Variants in C4orf54 observed in about 807,000 individuals in gnomAD.
C4orf54 encodes the protein uncharacterized protein C4orf54.
Under a neutral mutation model 80.1 loss-of-function variants are expected in C4orf54, and 67 were observed. The observed-to-expected ratio is 0.84, with a 90% CI of 0.69 to 1.03. C4orf54 has a LOEUF of 1.03. Among genes scored for constraint, C4orf54 ranks in the 50% least tolerant of loss-of-function variants. C4orf54 has a pLI of 0.00. For missense variants in C4orf54, 2,434 were observed against 2,253.5 expected (o/e 1.08, Z -1.62); for synonymous variants, 1,000 against 917.0 (o/e 1.09, Z -1.64).
rs1294505156 is a variant in C4orf54, at chr4:99,651,875, T to C, written c.2774A>G (p.Lys925Arg). Residue 925 changes from lysine to arginine, a missense_variant, in exon 2 of 3, where the codon AAA becomes AGA. Physicochemically the swap from Lys to Arg is conservative, Grantham distance 26. Coordinates refer to ENST00000511828, the MANE Select transcript of C4orf54 (RefSeq NM_001354435.2). The stretch of plus-strand genomic sequence containing the variant: ...CTTGACGGTCTCTGAGGCACTCTTT[T>C]TAATTTCACACACTTCTGTGTGTCC... ...TDGHTEVCEI[K>R]KSASETVKGI... 11 of 1,536,040 alleles carry C rather than the reference T, an allele frequency of 7.2e-6. No homozygotes were observed. In the Admixed American group the frequency reaches 7.8e-5, roughly 11 times the overall value.
Position 99,653,182 on chromosome 4 carries a change from G to A in C4orf54, c.1467C>T (p.Pro489=), listed in dbSNP as rs1726891387. The A allele has an allele frequency of 6.5e-7, 1 of 1,536,044 alleles. No homozygotes were observed. The highest frequency in any genetic ancestry group is 8.7e-7 in the Non-Finnish European group (1 of 1,146,858). Residue 489 remains proline (P), a synonymous_variant, in exon 2 of 3, where the codon CCC becomes CCT. Coordinates refer to ENST00000511828, the MANE Select transcript of C4orf54 (RefSeq NM_001354435.2). The part of the protein sequence containing the change: ...TPPPTGPGTA[P]LTEPLPETPE... ...GGGTCTCAGGCAAGGGCTCAGTCAGGGGGGCAGTGCCAGGCCCAGTGGGTG... is the reference window on the plus strand; with the variant it reads ...GGGTCTCAGGCAAGGGCTCAGTCAGAGGGGCAGTGCCAGGCCCAGTGGGTG...
Position 99,657,541 on chromosome 4 carries a change from A to G in C4orf54, c.-78T>C, listed in dbSNP as rs1458683675. On this transcript the variant is annotated 5_prime_UTR_variant, in exon 1 of 3. Coordinates refer to ENST00000511828, the MANE Select transcript of C4orf54 (RefSeq NM_001354435.2). ...CCTTTACTGCTTTCTAGCTAAATGA[A>G]TGCCAGTGTAGGAAAAAATTTGAAG... Among the ~76,000 whole-genome samples, 2 of 152,222 alleles carry G rather than the reference A, an allele frequency of 1.3e-5. No homozygotes were observed. Among genetic ancestry groups the G allele is most frequent in the East Asian group, 3.8e-4 (2 of 5,202 alleles).
In C4orf54 at chr4:99,650,682, C is replaced by T; in HGVS notation, c.3967G>A (p.Gly1323Ser). Residue 1323 changes from glycine to serine, a missense_variant, in exon 2 of 3, where the codon GGC becomes AGC. Gly to Ser is a moderately conservative substitution (Grantham distance 56, BLOSUM62 0). Coordinates refer to ENST00000511828, the MANE Select transcript of C4orf54 (RefSeq NM_001354435.2). ...SKRLGEVEER[G>S]TGNKAGVVLR... ...ACCACACCAGCTTTGTTTCCTGTGC[C>T]CCGCTCTTCCACCTCACCCAGCCGT... is the stretch of plus-strand genomic sequence containing the variant. 1 of 1,536,084 alleles carries T rather than the reference C, an allele frequency of 6.5e-7. No individual in the cohort carries two copies. Among genetic ancestry groups the T allele is most frequent in the Non-Finnish European group, 8.7e-7 (1 of 1,146,908 alleles).
chr4:99,656,361 C>T (rs949424463), intron 1 of C4orf54, among the ~76,000 whole-genome samples: 3 of 151,702 alleles, frequency 2.0e-5, no homozygotes, highest in African/African-American at 7.3e-5. Context: ...CTCAATGCAA[C>T]CTCTGCCTCT....
rs565623767 is a variant in C4orf54, at chr4:99,652,329, C to G, written c.2320G>C (p.Gly774Arg). 22 of 1,535,876 alleles carry G rather than the reference C, an allele frequency of 1.4e-5. No individual in the cohort carries two copies. In the African/African-American group the frequency reaches 3.0e-4, roughly 21 times the overall value. Residue 774 changes from glycine (G) to arginine (R), a missense_variant, in exon 2 of 3, where the codon GGC (glycine) becomes CGC (arginine). Coordinates refer to ENST00000511828, the MANE Select transcript of C4orf54 (RefSeq NM_001354435.2). ...GCCGACCCGGGACCCTTGCCGGGGCCTTTGGTGGCCCTGCCGGGCCCAGGG... is the reference window on the plus strand; with the variant it reads ...GCCGACCCGGGACCCTTGCCGGGGCGTTTGGTGGCCCTGCCGGGCCCAGGG... Reference protein sequence around the residue: ...SAPGPGRATKGPGKGPGSAYT... With the variant: ...SAPGPGRATKRPGKGPGSAYT...
chr4:99,652,029 A>C lies in C4orf54; in HGVS notation c.2620T>G (p.Ser874Ala), dbSNP rs958273406. The change falls in exon 2 of 3, where the codon TCC (serine) becomes GCC (alanine). Residue 874 changes from serine (S) to alanine (A), a missense_variant. By Grantham distance (99) the Ser-to-Ala change is moderately conservative. Coordinates refer to ENST00000511828, the MANE Select transcript of C4orf54 (RefSeq NM_001354435.2). ...RQSSRHSEAG[S>A]EYTVVSMSDA... ...GACATGCTGACCACTGTGTACTCGG[A>C]GCCGGCCTCGGAGTGACGAGAGCTC... 3 of 1,535,916 alleles carry C rather than the reference A, an allele frequency of 2.0e-6. No individual in the cohort carries two copies. Among genetic ancestry groups the C allele is most frequent in the Admixed American group, 2.0e-5 (1 of 50,978 alleles).
chr4:99,645,573 A>G (rs1242486312), intron 2 of C4orf54, among the ~76,000 whole-genome samples: 1 of 152,028 alleles, frequency 6.6e-6, no homozygotes, highest in Non-Finnish European at 1.5e-5. Context: ...ATCAAGTCCC[A>G]ATTAAAATCT....
chr4:99,656,192 A>C (rs1726975478), intron 1 of C4orf54, among the ~76,000 whole-genome samples: 1 of 152,232 alleles, frequency 6.6e-6, no homozygotes, highest in Non-Finnish European at 1.5e-5. Flanking sequence ...CAAAGAAAGG[A>C]AGAGAATGAA....
In C4orf54 at chr4:99,650,611, G is replaced by C. The variant is rs1167352228; in HGVS notation, c.4038C>G (p.Asn1346Lys). 3.9e-6 allele frequency: 6 copies of C among 1,536,072 alleles called. No homozygotes were observed. The highest frequency in any genetic ancestry group is 5.2e-6 in the Non-Finnish European group (6 of 1,146,888). The change falls in exon 2 of 3, where the codon AAC becomes AAG. Residue 1346 changes from asparagine to lysine, a missense_variant. By Grantham distance (94) the Asn-to-Lys change is moderately conservative. Coordinates refer to ENST00000511828, the MANE Select transcript of C4orf54 (RefSeq NM_001354435.2). ...TGGCAGACACACTCTCAGCGCTGGG[G>C]TTGGAGTTTCTCCGCTGCAGACGTT... ...PIERLQRRNSNPSAESVSARA... is the reference protein window; with the variant it reads ...PIERLQRRNSKPSAESVSARA...
At chr4:99,647,438 TTC>T (rs1726718912) in intron 2 of C4orf54, among the ~76,000 whole-genome samples, 1 of 152,196 alleles carries the variant, frequency 6.6e-6, no homozygotes, top group South Asian at 2.1e-4. Flanking sequence ...AATTCTCTAA[TTC>T]TGAGTCTCCT....
rs549835500 is a variant in C4orf54, at chr4:99,650,314, C to T, written c.4335G>A (p.Arg1445=). The part of the protein sequence containing the change: ...LRSLKISPAT[R]APPDEVTNRK... ...TGTTGGTCACCTCATCAGGAGGTGC[C>T]CGGGTGGCTGGAGAGATCTTGAGGG... Residue 1445 remains arginine, a synonymous_variant, in exon 2 of 3, where the codon CGG becomes CGA. Coordinates refer to ENST00000511828, the MANE Select transcript of C4orf54 (RefSeq NM_001354435.2). The T allele has an allele frequency of 7.9e-5, 121 of 1,536,054 alleles. No individual in the cohort carries two copies. The highest frequency in any genetic ancestry group is 9.8e-5 in the Non-Finnish European group (112 of 1,146,900).
Position 99,654,299 on chromosome 4 carries a change from A to AG in C4orf54, c.349dup (p.Leu117ProfsTer35), listed in dbSNP as rs1726939524. ...GTCTTGGGTCCGTCTCTGGCCCCGGAGGGGCTGCAGAGTTGCCCGAAGCAG... is the reference window on the plus strand; with the variant it reads ...GTCTTGGGTCCGTCTCTGGCCCCGGAGGGGGCTGCAGAGTTGCCCGAAGCAG... On this transcript the variant is annotated frameshift_variant, in exon 2 of 3. Coordinates refer to ENST00000511828, the MANE Select transcript of C4orf54 (RefSeq NM_001354435.2). LOFTEE classifies it high-confidence loss of function. 1 of 1,528,180 alleles carries AG rather than the reference A, an allele frequency of 6.5e-7. No homozygotes were observed. The highest frequency in any genetic ancestry group is 8.8e-7 in the Non-Finnish European group (1 of 1,139,826). 94.7% of individuals were successfully genotyped at this position (1,528,180 alleles called of 1,614,324 possible). A position where few individuals can be genotyped will look rare whatever the true frequency, so the allele number is the denominator to read the frequency against.
chr4:99,649,761 G>C lies in C4orf54; in HGVS notation c.4888C>G (p.Pro1630Ala), dbSNP rs532116806. The C allele has an allele frequency of 7.2e-6, 11 of 1,536,100 alleles. No homozygotes were observed. The highest frequency in any genetic ancestry group is 6.1e-6 in the Non-Finnish European group (7 of 1,146,924). Residue 1630 changes from proline to alanine, a missense_variant, in exon 2 of 3, where the codon CCC becomes GCC. Coordinates refer to ENST00000511828, the MANE Select transcript of C4orf54 (RefSeq NM_001354435.2). ...GGGTCAAACAGTCTCCGGGTCATGGGCTGTACTGGTGTGTCCACCAGATAG... is the reference window on the plus strand; with the variant it reads ...GGGTCAAACAGTCTCCGGGTCATGGCCTGTACTGGTGTGTCCACCAGATAG... ...QYYLVDTPVQ[P>A]MTRRLFDPET...
Position 99,651,688 on chromosome 4 carries a change from C to T in C4orf54, c.2961G>A (p.Met987Ile). 6.5e-7 allele frequency: 1 copy of T among 1,536,042 alleles called. No individual in the cohort carries two copies. The highest frequency in any genetic ancestry group is 8.7e-7 in the Non-Finnish European group (1 of 1,146,902). The change falls in exon 2 of 3, where the codon ATG (methionine) becomes ATA (isoleucine). Residue 987 changes from methionine to isoleucine, a missense_variant. Coordinates refer to ENST00000511828, the MANE Select transcript of C4orf54 (RefSeq NM_001354435.2). ...GEISASKNTI[M>I]SRLFVPNIQQ... ...GGATGTTGGGGACAAAGAGGCGAGA[C>T]ATGATGGTGTTCTTGCTGGCAGAAA... is the stretch of plus-strand genomic sequence containing the variant.
chr4:99,655,161 C>T (rs1002102546), intron 1 of C4orf54, among the ~76,000 whole-genome samples: 1 of 152,160 alleles, frequency 6.6e-6, no homozygotes, highest in Non-Finnish European at 1.5e-5. Flanking sequence ...CCCAAAGTTA[C>T]ACTCTATGAA....
chr4:99,654,551 C>T lies in C4orf54; in HGVS notation c.98G>A (p.Cys33Tyr). The T allele has an allele frequency of 1.4e-6, 1 of 702,492 alleles. No individual in the cohort carries two copies. The highest frequency in any genetic ancestry group is 2.7e-5 in the East Asian group (1 of 37,282). 43.5% of individuals were successfully genotyped at this position (702,492 alleles called of 1,614,324 possible). ...GIQTPRCCRR[C>Y]QANNWTGQLS... ...CTGTCCTGTCCAGTTGTTTGCCTGG[C>T]ACCGTCGGCAGCAGCGAGGAGTCTG... The change falls in exon 2 of 3, where the codon TGC (cysteine) becomes TAC (tyrosine). Residue 33 changes from cysteine (C) to tyrosine (Y), a missense_variant. Physicochemically the swap from Cys to Tyr is radical, Grantham distance 194 (BLOSUM62 -2). Coordinates refer to ENST00000511828, the MANE Select transcript of C4orf54 (RefSeq NM_001354435.2).
rs1376575062 is a variant in C4orf54 at position 99,653,749 on chromosome 4, A to G, written c.900T>C (p.Ser300=). Residue 300 remains serine (S), a synonymous_variant, in exon 2 of 3, where the codon TCT becomes TCC. Transcript: ENST00000511828. ...TCTCACTCTCGAAGCCTAAGGATGAAGAGGAGGTGGCCAGAGCCCCTGTGG... is the reference window on the plus strand; with the variant it reads ...TCTCACTCTCGAAGCCTAAGGATGAGGAGGAGGTGGCCAGAGCCCCTGTGG... ...TTSTGALATS[S]SSLGFESESG... is the part of the protein sequence containing the mutation. 1 of 1,535,906 alleles carries G rather than the reference A, an allele frequency of 6.5e-7. No individual in the cohort carries two copies. The highest frequency in any genetic ancestry group is 8.7e-7 in the Non-Finnish European group (1 of 1,146,846).
intron 1 of C4orf54, among the ~76,000 whole-genome samples, chr4:99,657,141 G>C (rs150606696): frequency 4.6e-5 from 7 of 152,214 alleles, no homozygotes; most frequent in African/African-American, 1.7e-4. Flanking sequence ...ACCGTGTCTT[G>C]GACGATAAAC....
chr4:99,643,896 C>G lies in C4orf54; in HGVS notation c.*37-2700G>C, dbSNP rs368553763. On this transcript the variant is annotated intron_variant, in intron 2 of 2. Transcript: ENST00000511828. ...GCAGCCAGTCAATTCCAACTGTGTT[C>G]TTTTCCACCATCCACAAGGACTTTA... is the stretch of plus-strand genomic sequence containing the variant. Among the ~76,000 whole-genome samples the G allele has an allele frequency of 7.9e-5, 12 of 152,192 alleles. No individual in the cohort carries two copies. In the South Asian group the frequency reaches 2.5e-3, roughly 32 times the overall value.
Sources: allele counts gnomAD v4.1 joint callset (sites outside exome capture counted in the v4.1 genomes callset), GRCh38; gene constraint gnomAD v4.1.1; transcripts MANE v1.5; gene names NCBI Gene and HGNC (gene_info 2026-07-23, HGNC 2026-07-21).